SLC16A14: variants seen among roughly 807,000 people sequenced by gnomAD.
The protein encoded by SLC16A14 is solute carrier family 16 member 14.
Under a neutral mutation model 35.8 loss-of-function variants are expected in SLC16A14, and 14 were observed. The ratio of observed to expected loss-of-function variants is 0.39; its 90% CI spans 0.26 to 0.61. The LOEUF is 0.61. Among genes scored for constraint, SLC16A14 ranks in the 20% least tolerant of loss-of-function variants. The pLI is 0.51. For missense variants in SLC16A14, 533 were observed against 655.0 expected (o/e 0.81, Z 2.03); for synonymous variants, 248 against 258.9 (o/e 0.96, Z 0.40).
At chr2:230,055,901 AAC>A (rs1237311104) in intron 2 of SLC16A14, among the ~76,000 whole-genome samples, 7 of 152,212 alleles carry the variant, frequency 4.6e-5, no homozygotes, top group African/African-American at 1.7e-4. Flanking sequence ...GTGTTCTAGA[AAC>A]ACAGTTTTCC....
At chr2:230,056,879 TAAAAAAAAA>T (rs60620443) in intron 2 of SLC16A14, among the ~76,000 whole-genome samples, 1 of 95,544 alleles carries the variant, frequency 1.0e-5, no homozygotes. Flanking sequence ...CTACAAAAAG[TAAAAAAAAA>T]AAAAAAAAAA....
intron 4 of SLC16A14, among the ~76,000 whole-genome samples, chr2:230,042,192 T>C (rs1217332360): frequency 1.3e-5 from 2 of 152,200 alleles, no homozygotes; most frequent in African/African-American, 4.8e-5. Context: ...ATTTCTACCG[T>C]CCATGGTGGA....
chr2:230,045,579 T>C (rs1050811879), intron 4 of SLC16A14, 166 bp downstream of exon 4: 2 of 743,816 alleles, frequency 2.7e-6, no homozygotes, highest in East Asian at 2.8e-5. Flanking sequence ...AAAGAAAGAA[T>C]AGGCTTTAAC....
intron 1 of SLC16A14, chr2:230,066,819 G>A (rs958428344): frequency 3.9e-6 from 1 of 257,248 alleles, no homozygotes; most frequent in South Asian, 3.3e-5. Context: ...TAGAGAAGGG[G>A]TTTCGCCATG....
intron 4 of SLC16A14, among the ~76,000 whole-genome samples, chr2:230,039,192 AAAAC>A (rs1427367302): frequency 4.6e-5 from 7 of 152,062 alleles, no homozygotes; most frequent in East Asian, 1.9e-4. Flanking sequence ...TTCATAAAGA[AAAAC>A]AAACAATAGC....
intron 1 of SLC16A14, among the ~76,000 whole-genome samples, chr2:230,060,192 T>C (rs562630697): frequency 2.6e-5 from 4 of 152,194 alleles, no homozygotes; most frequent in Non-Finnish European, 4.4e-5. Flanking sequence ...TGCAAGGCCC[T>C]TGTGAGCCAA....
chr2:230,056,252 GTTTT>G (rs5839355), intron 2 of SLC16A14, among the ~76,000 whole-genome samples: 3 of 110,018 alleles, frequency 2.7e-5, no homozygotes, highest in East Asian at 2.5e-4. Flanking sequence ...TAATATTGGT[GTTTT>G]TTTTTTTTTT....
intron 3 of SLC16A14, among the ~76,000 whole-genome samples, chr2:230,047,960 T>C (rs879137424): frequency 6.6e-6 from 1 of 152,226 alleles, no homozygotes; most frequent in Admixed American, 6.5e-5. Flanking sequence ...CTTCAAAGGA[T>C]ACAGAAGTGC....
At position 230,046,330 on chromosome 2, in the gene SLC16A14, C is replaced by G. The variant is rs1317703861; in HGVS notation, c.796G>C (p.Glu266Gln). 4.3e-6 allele frequency: 7 copies of G among 1,614,182 alleles called. No homozygotes were observed. The highest frequency in any genetic ancestry group is 5.9e-6 in the Non-Finnish European group (7 of 1,180,018). ...CTGTGCCCGGCCTGATCGGGGCACT[C>G]CTGGGCTTGCAGGTCGCAGAGGGTC... is the stretch of plus-strand genomic sequence containing the variant. ...EETLCDLQAQECPDQAGHRKN... is the reference protein window; with the variant it reads ...EETLCDLQAQQCPDQAGHRKN... The change falls in exon 4 of 5, where the codon GAG becomes CAG. Residue 266 changes from glutamate to glutamine, a missense_variant. Coordinates refer to ENST00000295190, the MANE Select transcript of SLC16A14 (RefSeq NM_152527.5). The surrounding 1 kb of genome is among the most constrained non-coding windows in gnomAD (Gnocchi z 5.0).
At chr2:230,056,879 TAAAAAAAAAA>T (rs60620443) in intron 2 of SLC16A14, among the ~76,000 whole-genome samples, 1 of 95,544 alleles carries the variant, frequency 1.0e-5, no homozygotes, top group African/African-American at 3.8e-5. Flanking sequence ...CTACAAAAAG[TAAAAAAAAAA>T]AAAAAAAAAA....
chr2:230,060,100 A>G (rs1186700334), intron 1 of SLC16A14, among the ~76,000 whole-genome samples: 1 of 152,232 alleles, frequency 6.6e-6, no homozygotes, highest in Non-Finnish European at 1.5e-5. Context: ...AAAATAGGGT[A>G]TCAGACTAAG....
At chr2:230,052,498 C>A (rs1053745451) in intron 2 of SLC16A14, among the ~76,000 whole-genome samples, 1 of 151,944 alleles carries the variant, frequency 6.6e-6, no homozygotes, top group Admixed American at 6.6e-5. Flanking sequence ...CTGTTTGTAG[C>A]CTTTTCAAAG....
At chr2:230,063,980 C>T (rs891007919) in intron 1 of SLC16A14, among the ~76,000 whole-genome samples, 1 of 151,948 alleles carries the variant, frequency 6.6e-6, no homozygotes, top group Non-Finnish European at 1.5e-5. Context: ...TACTTGTGGT[C>T]CCAGCTACCT....
At chr2:230,052,163 C>T (rs931450763) in intron 2 of SLC16A14, among the ~76,000 whole-genome samples, 1 of 152,038 alleles carries the variant, frequency 6.6e-6, no homozygotes, top group Non-Finnish European at 1.5e-5. Flanking sequence ...TCTCGATCTC[C>T]TGACCTCGTG....
At chr2:230,067,730 G>A (rs1346642318) in intron 1 of SLC16A14, among the ~76,000 whole-genome samples, 1 of 152,214 alleles carries the variant, frequency 6.6e-6, no homozygotes, top group Non-Finnish European at 1.5e-5. Context: ...TAATTGGAAA[G>A]CAGAGTTCAG....
chr2:230,049,349 G>A (rs2077637764), intron 3 of SLC16A14, among the ~76,000 whole-genome samples: 1 of 151,956 alleles, frequency 6.6e-6, no homozygotes, highest in African/African-American at 2.4e-5. Flanking sequence ...CAAAGTGTTG[G>A]GATTACAGGC....
At chr2:230,045,626 A>G in intron 4 of SLC16A14, 119 bp downstream of exon 4, 1 of 1,083,528 alleles carries the variant, frequency 9.2e-7, no homozygotes, top group Non-Finnish European at 1.4e-6. Context: ...AAAGGGCAGG[A>G]ATGGGAAGAT....
intron 4 of SLC16A14, among the ~76,000 whole-genome samples, chr2:230,039,026 A>G (rs774498383): frequency 3.3e-5 from 5 of 152,014 alleles, no homozygotes; most frequent in Non-Finnish European, 7.4e-5. Context: ...ATGCACTTAA[A>G]CTTCTCCCAT....
chr2:230,040,212 T>TCATTATTA (rs1405910657), intron 4 of SLC16A14, among the ~76,000 whole-genome samples: 1 of 134,282 alleles, frequency 7.4e-6, no homozygotes, highest in African/African-American at 2.8e-5. Flanking sequence ...TTAAATTGAA[T>TCATTATTA]TCATTATTAT....
Sources: gnomAD v4.1 joint callset for allele counts (sites outside exome capture counted in the v4.1 genomes callset) on GRCh38, gnomAD v4.1.1 for gene constraint, Gnocchi (gnomAD v3.1) non-coding constraint, MANE v1.5 for transcripts, NCBI Gene and HGNC (gene_info 2026-07-23, HGNC 2026-07-21) for gene names.